Variants in UBE2E2 observed in about 807,000 individuals in gnomAD.
The protein encoded by UBE2E2 is ubiquitin conjugating enzyme E2 E2.
A neutral mutation model predicts 24.7 loss-of-function variants in UBE2E2; 6 were observed. That is an observed-to-expected ratio of 0.24 (90% CI 0.13 to 0.48). The LOEUF (loss-of-function observed/expected upper bound fraction) is 0.48, where lower values mean the gene tolerates loss of function less well. Ranked by LOEUF, UBE2E2 falls within the 20% of genes least tolerant of loss-of-function variation. UBE2E2 has a pLI of 0.99. For missense variants in UBE2E2, 169 were observed against 245.0 expected (o/e 0.69, Z 2.07); for synonymous variants, 104 against 83.6 (o/e 1.24, Z -1.33).
intron 3 of UBE2E2, among the ~76,000 whole-genome samples, chr3:23,245,636 T>C (rs1381199937): frequency 1.3e-5 from 2 of 152,170 alleles, no homozygotes; most frequent in African/African-American, 4.8e-5. Flanking sequence ...TTGATATCCA[T>C]AGTAATAGCA....
chr3:23,466,020 T>C (rs1389499006), intron 3 of UBE2E2, among the ~76,000 whole-genome samples: 1 of 152,184 alleles, frequency 6.6e-6, no homozygotes. Context: ...TAACCATTCT[T>C]GTATTAGGAT....
At chr3:23,305,977 C>G (rs1455650958) in intron 3 of UBE2E2, among the ~76,000 whole-genome samples, 1 of 152,062 alleles carries the variant, frequency 6.6e-6, no homozygotes, top group Non-Finnish European at 1.5e-5. Context: ...TTTTCTAGGC[C>G]TTTATTCTCA....
At chr3:23,515,827 G>A (rs953306055) in intron 4 of UBE2E2, among the ~76,000 whole-genome samples, 1 of 150,920 alleles carries the variant, frequency 6.6e-6, no homozygotes, top group African/African-American at 2.4e-5. Flanking sequence ...AAGAAAAAAC[G>A]AGCCAGGCGT....
chr3:23,284,837 TG>T (rs1243550529), intron 3 of UBE2E2, among the ~76,000 whole-genome samples: 1 of 151,756 alleles, frequency 6.6e-6, no homozygotes, highest in Admixed American at 6.6e-5. Flanking sequence ...GTAATCCAGT[TG>T]TACTCCCTGA....
At chr3:23,542,355 G>A (rs1219613071) in intron 5 of UBE2E2, among the ~76,000 whole-genome samples, 2 of 152,148 alleles carry the variant, frequency 1.3e-5, no homozygotes, top group African/African-American at 4.8e-5. Context: ...AGTTCAAAAA[G>A]TTAATAGTCC....
chr3:23,470,856 C>T (rs1004371808), intron 3 of UBE2E2, among the ~76,000 whole-genome samples: 17 of 151,820 alleles, frequency 1.1e-4, no homozygotes, highest in African/African-American at 4.1e-4. Context: ...TCTTGGAGCT[C>T]AAGTTCTTGG....
chr3:23,272,658 C>G (rs1698276279), intron 3 of UBE2E2, among the ~76,000 whole-genome samples: 1 of 151,974 alleles, frequency 6.6e-6, no homozygotes, highest in South Asian at 2.1e-4. Context: ...GACTATCTAT[C>G]TATCTATATC....
rs1042747543 is a variant in UBE2E2, at chr3:23,407,478, A to G, written c.228-92130A>G. Among the ~76,000 whole-genome samples the G allele has an allele frequency of 6.6e-6, 1 of 152,124 alleles. No homozygotes were observed. Among genetic ancestry groups the G allele is most frequent in the Non-Finnish European group, 1.5e-5 (1 of 68,010 alleles). On this transcript the variant is annotated intron_variant, in intron 3 of 5. Coordinates refer to ENST00000396703, the MANE Select transcript of UBE2E2 (RefSeq NM_152653.4). This position sits in a 1 kb window ranked among gnomAD's most constrained non-coding sequence, Gnocchi z 4.0. Reference sequence around the variant, plus strand: ...TAATTCTGAAAATGTTCAAACATACACAAATGTAAAGAATTGATCCCCTGC... The same window carrying G: ...TAATTCTGAAAATGTTCAAACATACGCAAATGTAAAGAATTGATCCCCTGC...
intron 2 of UBE2E2, among the ~76,000 whole-genome samples, chr3:23,215,166 A>G (rs1696442540): frequency 6.6e-6 from 1 of 152,160 alleles, no homozygotes; most frequent in African/African-American, 2.4e-5. Flanking sequence ...AATTGGGGAT[A>G]ATATCTTCTC....
At chr3:23,220,463 G>C (rs17341838) in intron 3 of UBE2E2, among the ~76,000 whole-genome samples, 2 of 151,950 alleles carry the variant, frequency 1.3e-5, no homozygotes, top group Non-Finnish European at 2.9e-5. Context: ...AAATCGTAGC[G>C]TCTGTAGGGC....
chr3:23,570,446 G>C (rs1696194166), intron 5 of UBE2E2, among the ~76,000 whole-genome samples: 1 of 152,068 alleles, frequency 6.6e-6, no homozygotes, highest in African/African-American at 2.4e-5. Flanking sequence ...CAAAAGGCTG[G>C]GCAGGGGTGG....
At chr3:23,241,478 T>C (rs1024049391) in intron 3 of UBE2E2, among the ~76,000 whole-genome samples, 1 of 152,198 alleles carries the variant, frequency 6.6e-6, no homozygotes, top group African/African-American at 2.4e-5. Flanking sequence ...TCTGACCTTA[T>C]TGCTTATTCT....
At chr3:23,373,912 G>T (rs1418925790) in intron 3 of UBE2E2, among the ~76,000 whole-genome samples, 4 of 152,166 alleles carry the variant, frequency 2.6e-5, no homozygotes, top group Admixed American at 6.5e-5. Context: ...AAGTTAAAAT[G>T]ATAGTGATGG....
chr3:23,400,031 T>C (rs1697179462), intron 3 of UBE2E2, among the ~76,000 whole-genome samples: 1 of 152,078 alleles, frequency 6.6e-6, no homozygotes. Context: ...GCAAACTATC[T>C]CTATGTGAAC....
At chr3:23,570,162 CT>C (rs1455818483) in intron 5 of UBE2E2, among the ~76,000 whole-genome samples, 1 of 152,106 alleles carries the variant, frequency 6.6e-6, no homozygotes, top group Non-Finnish European at 1.5e-5. Context: ...CTTTTTCCCC[CT>C]AATCAAGCCG....
At position 23,569,201 on chromosome 3, in the gene UBE2E2, C is replaced by T. The variant is rs567009009; in HGVS notation, c.509-20533C>T. Reference sequence around the variant, plus strand: ...CACACGGATGAACCTTGAGAACATGCTTTGTAAAAGAAACCAATCACAAGA... The same window carrying T: ...CACACGGATGAACCTTGAGAACATGTTTTGTAAAAGAAACCAATCACAAGA... On this transcript the variant is annotated intron_variant, in intron 5 of 5. Transcript: ENST00000396703. Among the ~76,000 whole-genome samples, 25 of 152,200 alleles carry T rather than the reference C, an allele frequency of 1.6e-4. 1 individual carries two copies. The South Asian group carries it at 5.2e-3, about 32-fold the overall frequency.
chr3:23,534,047 G>A (rs1245131269), intron 5 of UBE2E2: 1 of 263,846 alleles, frequency 3.8e-6, no homozygotes, highest in Admixed American at 6.6e-5. Context: ...TTTCAGTCCT[G>A]TTGTTCCCAT....
chr3:23,546,460 ATTTTTTTTTTTTTTTTTT>A (rs899923576), intron 5 of UBE2E2, among the ~76,000 whole-genome samples: 2 of 76,860 alleles, frequency 2.6e-5, no homozygotes, highest in Admixed American at 1.3e-4. Flanking sequence ...GAACATTTAG[ATTTTTTTTTTTTTTTTTT>A]TTTTTTTTTT....
chr3:23,580,499 G>A (rs1696451760), intron 5 of UBE2E2, among the ~76,000 whole-genome samples: 1 of 152,134 alleles, frequency 6.6e-6, no homozygotes, highest in African/African-American at 2.4e-5. Flanking sequence ...TAATGCTATT[G>A]CACACGTAAT....
Sources: allele counts gnomAD v4.1 joint callset (sites outside exome capture counted in the v4.1 genomes callset), GRCh38; gene constraint gnomAD v4.1.1; non-coding constraint Gnocchi (gnomAD v3.1); transcripts MANE v1.5; gene names NCBI Gene and HGNC (gene_info 2026-07-23, HGNC 2026-07-21).